Variants in ZNF71 observed in about 807,000 individuals in gnomAD.
The protein encoded by ZNF71 is zinc finger protein 71, also known as endothelial zinc finger protein induced by tumor necrosis factor alpha.
ZNF71 carries 3 observed loss-of-function variants against 6.7 expected under a neutral mutation model. That is an observed-to-expected ratio of 0.45 (90% CI 0.20 to 1.16). The LOEUF (loss-of-function observed/expected upper bound fraction) is 1.16. Among genes scored for constraint, ZNF71 ranks in the 50% most tolerant of loss-of-function variants. The pLI is 0.25. For synonymous variants in ZNF71, 343 were observed against 311.1 expected (o/e 1.10, Z -1.08); for missense variants, 688 against 728.6 (o/e 0.94, Z 0.64).
intron 2 of ZNF71, among the ~76,000 whole-genome samples, chr19:56,601,883 A>T (rs2044673615): frequency 6.6e-6 from 1 of 152,166 alleles, no homozygotes; most frequent in South Asian, 2.1e-4. Flanking sequence ...AAACTTGCGC[A>T]GGACCATGCT....
rs917429814 is a variant in ZNF71 at position 56,621,764 on chromosome 19, G to A, written c.657G>A (p.Glu219=). 7 of 1,613,960 alleles carry A rather than the reference G, an allele frequency of 4.3e-6. No individual in the cohort carries two copies. The African/African-American group carries it at 9.3e-5, about 22-fold the overall frequency. ...QRIHTGEKPF[E]CDTCGKHFIE... The stretch of plus-strand genomic sequence containing the variant: ...TCCACACGGGAGAAAAGCCGTTTGA[G>A]TGTGACACCTGTGGGAAGCACTTCA... The change falls in exon 4 of 4, where the codon GAG becomes GAA. Residue 219 remains glutamate (E), a synonymous_variant. Transcript: ENST00000599599.
chr19:56,621,377 C>T lies in ZNF71; in HGVS notation c.270C>T (p.Ala90=), dbSNP rs1204534462. 8 of 1,602,008 alleles carry T rather than the reference C, an allele frequency of 5.0e-6. No homozygotes were observed. The highest frequency in any genetic ancestry group is 6.8e-6 in the Non-Finnish European group (8 of 1,173,152). The change falls in exon 4 of 4, where the codon GCC becomes GCT. Residue 90 remains alanine (A), a synonymous_variant. Coordinates refer to ENST00000599599, the MANE Select transcript of ZNF71 (RefSeq NM_001370215.1). Reference sequence around the variant, plus strand: ...CGGGGGGACCCACGAGGAATGGTGCCAGGGGTCCTGGCTCAGAAGGAGTGT... The same window carrying T: ...CGGGGGGACCCACGAGGAATGGTGCTAGGGGTCCTGGCTCAGAAGGAGTGT... ...EATGGPTRNG[A]RGPGSEGVWE...
Position 56,621,775 on chromosome 19 carries a change from G to C in ZNF71, c.668G>C (p.Cys223Ser). The C allele has an allele frequency of 6.2e-7, 1 of 1,614,094 alleles. No individual in the cohort carries two copies. Among genetic ancestry groups the C allele is most frequent in the Non-Finnish European group, 8.5e-7 (1 of 1,180,034 alleles). The stretch of plus-strand genomic sequence containing the variant: ...GAAAAGCCGTTTGAGTGTGACACCT[G>C]TGGGAAGCACTTCATCGAGCGCTCG... The part of the protein sequence containing the change: ...TGEKPFECDT[C>S]GKHFIERSSL... The change falls in exon 4 of 4, where the codon TGT (cysteine) becomes TCT (serine). Residue 223 changes from cysteine to serine, a missense_variant. By Grantham distance (112) the Cys-to-Ser change is moderately radical. Transcript: ENST00000599599.
Position 56,618,993 on chromosome 19 carries a change from G to A in ZNF71, c.161-2275G>A, listed in dbSNP as rs937162694. 3.3e-5 allele frequency among the ~76,000 whole-genome samples: 5 copies of A among 152,134 alleles called. No individual in the cohort carries two copies. The highest frequency in any genetic ancestry group is 2.1e-4 in the South Asian group (1 of 4,826). On this transcript the variant is annotated intron_variant, in intron 3 of 3. Coordinates refer to ENST00000599599, the MANE Select transcript of ZNF71 (RefSeq NM_001370215.1). This position sits in a 1 kb window ranked among gnomAD's most constrained non-coding sequence, Gnocchi z 4.6. ...AGGCAAGGACCCGTGGTGGCCAGCC[G>A]GCTTTTTGTCAGTGGGGACCGGGAG...
rs115722948 is a variant in ZNF71 at position 56,623,175 on chromosome 19, A to T, written c.*418A>T. On this transcript the variant is annotated 3_prime_UTR_variant, in exon 4 of 4. Transcript: ENST00000599599. ...CTTTGTCAGATACATCCTGGAGTCC[A>T]GATGCAGCTTGTCACCATCTGCATT... 7.5e-3 allele frequency: 1,455 copies of T among 192,944 alleles called. 29 individuals are homozygous for T. Among genetic ancestry groups the T allele is most frequent in the African/African-American group, 0.031 (1,324 of 42,346 alleles). The allele number at this position is 192,944 out of a possible 1,614,324, so 12.0% of individuals were successfully genotyped here. A position where few individuals can be genotyped will look rare whatever the true frequency, so the allele number is the denominator to read the frequency against.
chr19:56,599,136 T>C (rs1255719256), intron 1 of ZNF71, among the ~76,000 whole-genome samples: 2 of 152,158 alleles, frequency 1.3e-5, no homozygotes, highest in African/African-American at 2.4e-5. Context: ...GTTGGAGATG[T>C]AGAGAGGCAT....
intron 1 of ZNF71, among the ~76,000 whole-genome samples, chr19:56,600,096 G>T (rs12974416): frequency 0.6 from 60,832 of 100,632 alleles, 15,552 homozygotes; most frequent in East Asian, 0.8. Context: ...TTTGGGGTTT[G>T]TTTTTTTTTT....
chr19:56,601,635 C>T (rs1242759320), intron 2 of ZNF71, 44 bp downstream of exon 2: 2 of 984,900 alleles, frequency 2.0e-6, no homozygotes, highest in Non-Finnish European at 2.4e-6. Context: ...AAGGCTGGAT[C>T]CTGCCTTGGG....
intron 2 of ZNF71, among the ~76,000 whole-genome samples, chr19:56,607,005 GAA>G (rs1300532841): frequency 6.6e-6 from 1 of 152,084 alleles, no homozygotes; most frequent in Non-Finnish European, 1.5e-5. Flanking sequence ...GACTTATATT[GAA>G]AGAGACAGTG....
At chr19:56,604,991 C>T (rs1317695744) in intron 2 of ZNF71, among the ~76,000 whole-genome samples, 1 of 152,164 alleles carries the variant, frequency 6.6e-6, no homozygotes, top group Non-Finnish European at 1.5e-5. Context: ...GCTTTCTTGC[C>T]CCATCAAAGG....
chr19:56,599,932 C>A (rs999350645), intron 1 of ZNF71, among the ~76,000 whole-genome samples: 3 of 151,918 alleles, frequency 2.0e-5, no homozygotes, highest in African/African-American at 7.3e-5. Flanking sequence ...CCGCCCGCCT[C>A]GGCCTCCCAA....
chr19:56,620,714 TTAG>T (rs1463736854), intron 3 of ZNF71, among the ~76,000 whole-genome samples: 1 of 151,906 alleles, frequency 6.6e-6, no homozygotes, highest in Admixed American at 6.6e-5. Flanking sequence ...AAAAAAAAAT[TTAG>T]TAGAGGCGGG....
intron 3 of ZNF71, among the ~76,000 whole-genome samples, chr19:56,620,032 G>A (rs1415069566): frequency 6.6e-6 from 1 of 152,192 alleles, no homozygotes; most frequent in Non-Finnish European, 1.5e-5. Flanking sequence ...CAAGCTCCAC[G>A]GAATGCCTGC....
chr19:56,619,789 T>C (rs566037045), intron 3 of ZNF71, among the ~76,000 whole-genome samples: 55 of 152,278 alleles, frequency 3.6e-4, no homozygotes, highest in African/African-American at 1.3e-3. Flanking sequence ...TTGTTGCCCA[T>C]AAGAATGAGG....
chr19:56,601,245 C>G (rs565348639), intron 1 of ZNF71, among the ~76,000 whole-genome samples: 1 of 152,090 alleles, frequency 6.6e-6, no homozygotes, highest in African/African-American at 2.4e-5. Context: ...TTAATCTCCT[C>G]GGGCCTCAGC....
chr19:56,611,746 C>G (rs547606826), intron 2 of ZNF71, among the ~76,000 whole-genome samples: 1 of 152,334 alleles, frequency 6.6e-6, no homozygotes, highest in East Asian at 1.9e-4. Context: ...GTACCACAGA[C>G]TGTGCAGCTT....
chr19:56,615,138 T>C lies in ZNF71; in HGVS notation c.160+1200T>C, dbSNP rs761978957. Among the ~76,000 whole-genome samples the C allele has an allele frequency of 3.1e-4, 47 of 152,276 alleles. 1 individual carries two copies. The highest frequency in any genetic ancestry group is 3.7e-4 in the Non-Finnish European group (25 of 68,044). On this transcript the variant is annotated intron_variant, in intron 3 of 3. Coordinates refer to ENST00000599599, the MANE Select transcript of ZNF71 (RefSeq NM_001370215.1). ...GCCACAATTTGTTCAGCCATTCGCC[T>C]GGTGATCAACATTTGGGTCATTTCC...
rs1421196006 is a variant in ZNF71, at chr19:56,603,412, T to C, written c.33+1821T>C. Reference sequence around the variant, plus strand: ...GCACATATAGAGCTTCATTCCTTTTTTTGACTGAATAATATTCCAGTGTGT... The same window carrying C: ...GCACATATAGAGCTTCATTCCTTTTCTTGACTGAATAATATTCCAGTGTGT... On this transcript the variant is annotated intron_variant, in intron 2 of 3. Transcript: ENST00000599599. This position sits in a 1 kb window ranked among gnomAD's most constrained non-coding sequence, Gnocchi z 4.6. Among the ~76,000 whole-genome samples the C allele has an allele frequency of 1.3e-5, 2 of 152,256 alleles. No individual in the cohort carries two copies. The highest frequency in any genetic ancestry group is 2.4e-5 in the African/African-American group (1 of 41,470).
intron 2 of ZNF71, among the ~76,000 whole-genome samples, chr19:56,608,130 A>C (rs2044723738): frequency 6.6e-6 from 1 of 152,192 alleles, no homozygotes; most frequent in Admixed American, 6.5e-5. Context: ...TAAAATACAC[A>C]TAACATAAAA....
Sources: gnomAD v4.1 joint callset for allele counts (sites outside exome capture counted in the v4.1 genomes callset) on GRCh38, gnomAD v4.1.1 for gene constraint, Gnocchi (gnomAD v3.1) non-coding constraint, MANE v1.5 for transcripts, NCBI Gene and HGNC (gene_info 2026-07-23, HGNC 2026-07-21) for gene names.